Variants in SV2C observed in about 807,000 individuals in gnomAD.
SV2C encodes the protein solute carrier family 22 member B3.
SV2C carries 49 observed loss-of-function variants against 79.7 expected under a neutral mutation model. The observed-to-expected ratio is 0.61, with a 90% CI of 0.49 to 0.78. The LOEUF (loss-of-function observed/expected upper bound fraction) is 0.78. SV2C is among the 30% of genes least tolerant of loss of function. The pLI is 0.00. For synonymous variants in SV2C, 334 were observed against 333.2 expected, an observed-to-expected ratio of 1.00 and a Z score of -0.03; for missense variants, 833 against 912.9, an observed-to-expected ratio of 0.91 and a Z score of 1.13.
the SV2C span, among the ~76,000 whole-genome samples, chr5:75,852,866 A>C: frequency 0.01 from 1,589 of 151,638 alleles, 25 homozygotes; most frequent in African/African-American, 0.035. Flanking sequence ...AAAACTGCCT[A>C]AGGCAGGTTT....
intron 2 of SV2C, among the ~76,000 whole-genome samples, chr5:76,141,823 C>CAAAAAAAAAAAAAAAAAA: frequency 1.4e-5 from 1 of 72,474 alleles, no homozygotes; most frequent in Non-Finnish European, 2.6e-5. Flanking sequence ...AAGTCCATCT[C>CAAAAAAAAAAAAAAAAAA]AAAAAAAAAA....
intron 2 of SV2C, among the ~76,000 whole-genome samples, chr5:76,150,334 C>T (rs190748420): frequency 1.6e-4 from 24 of 152,066 alleles, no homozygotes; most frequent in South Asian, 6.2e-4. Context: ...TGTGCCACCA[C>T]GCCCAGCTAA....
intron 4 of SV2C, among the ~76,000 whole-genome samples, chr5:76,240,898 A>T (rs1010938304): frequency 3.3e-5 from 5 of 152,184 alleles, no homozygotes; most frequent in African/African-American, 9.7e-5. Context: ...ATGCCAGATA[A>T]ATATTTATCA....
the SV2C span, among the ~76,000 whole-genome samples, chr5:75,957,228 C>A: frequency 6.6e-6 from 1 of 151,974 alleles, no homozygotes; most frequent in Non-Finnish European, 1.5e-5. Context: ...AGACCACATT[C>A]TGAGTAGAAT....
the SV2C span, among the ~76,000 whole-genome samples, chr5:76,061,155 A>T: frequency 6.6e-6 from 1 of 151,852 alleles, no homozygotes; most frequent in East Asian, 2.0e-4. Context: ...AAAAAGTTTG[A>T]AATATTATGA....
At chr5:75,877,462 A>G in the SV2C span, among the ~76,000 whole-genome samples, 1 of 152,088 alleles carries the variant, frequency 6.6e-6, no homozygotes, top group Non-Finnish European at 1.5e-5. Flanking sequence ...GAATATGGCA[A>G]TCTTCTCTAA....
the SV2C span, among the ~76,000 whole-genome samples, chr5:76,054,437 A>G: frequency 6.6e-6 from 1 of 152,230 alleles, no homozygotes; most frequent in African/African-American, 2.4e-5. Context: ...TATTGTAAAT[A>G]GTGCTGCAAT....
the SV2C span, among the ~76,000 whole-genome samples, chr5:75,989,046 C>T: frequency 6.6e-6 from 1 of 151,936 alleles, no homozygotes; most frequent in Middle Eastern, 3.2e-3. Flanking sequence ...AAATATACTA[C>T]ATAAGTGGAG....
At chr5:76,300,150 A>AT (rs1187862394) in intron 10 of SV2C, among the ~76,000 whole-genome samples, 9 of 93,842 alleles carry the variant, frequency 9.6e-5, no homozygotes, top group African/African-American at 3.7e-4. Context: ...GCGGCCTCAA[A>AT]TAAAAAATTA....
chr5:76,021,332 A>G, the SV2C span, among the ~76,000 whole-genome samples: 1 of 152,236 alleles, frequency 6.6e-6, no homozygotes, highest in Non-Finnish European at 1.5e-5. Context: ...TGTGCATTAT[A>G]TAAATTTAAA....
chr5:76,057,769 T>A, the SV2C span, among the ~76,000 whole-genome samples: 1 of 152,130 alleles, frequency 6.6e-6, no homozygotes, highest in Non-Finnish European at 1.5e-5. Flanking sequence ...CAATTATTAT[T>A]ATCATAATTA....
chr5:75,968,515 A>C, the SV2C span, among the ~76,000 whole-genome samples: 7 of 152,244 alleles, frequency 4.6e-5, no homozygotes, highest in African/African-American at 1.7e-4. Flanking sequence ...CAGCAAGAGA[A>C]CTACATGACG....
chr5:75,949,868 A>G, the SV2C span, among the ~76,000 whole-genome samples: 2 of 152,044 alleles, frequency 1.3e-5, no homozygotes, highest in African/African-American at 4.8e-5. Flanking sequence ...TGGAGGTGTT[A>G]AAGAGGTGAC....
chr5:76,193,398 A>T (rs771067789), intron 2 of SV2C, among the ~76,000 whole-genome samples: 72 of 152,286 alleles, frequency 4.7e-4, no homozygotes, highest in Non-Finnish European at 9.3e-4. Flanking sequence ...AAGATCTCAG[A>T]TGCATTTTCT....
the SV2C span, among the ~76,000 whole-genome samples, chr5:76,005,014 T>C: frequency 3.3e-5 from 5 of 152,188 alleles, no homozygotes; most frequent in Non-Finnish European, 4.4e-5. Flanking sequence ...TTCTTCCACT[T>C]TCCTTATAGT....
At chr5:75,967,419 T>C in the SV2C span, among the ~76,000 whole-genome samples, 3 of 152,148 alleles carry the variant, frequency 2.0e-5, no homozygotes, top group African/African-American at 7.2e-5. Flanking sequence ...TTCCCTTTCC[T>C]ACTCAAAGAA....
chr5:76,053,501 A>G, the SV2C span, among the ~76,000 whole-genome samples: 1 of 152,224 alleles, frequency 6.6e-6, no homozygotes, highest in Non-Finnish European at 1.5e-5. Flanking sequence ...AAGCTATACT[A>G]GTCAAAGACC....
intron 2 of SV2C, among the ~76,000 whole-genome samples, chr5:76,133,717 G>A (rs189298800): frequency 1.3e-5 from 2 of 152,298 alleles, no homozygotes; most frequent in East Asian, 3.9e-4. Flanking sequence ...CTTCAGAGGA[G>A]GGTCCTTGGT....
chr5:76,311,303 T>A (rs1748432141), intron 12 of SV2C: 1 of 152,340 alleles, frequency 6.6e-6, no homozygotes, highest in Admixed American at 6.5e-5. Context: ...ATGATTGAGA[T>A]GCAGTGGTCG....
Sources: allele counts gnomAD v4.1 joint callset (sites outside exome capture counted in the v4.1 genomes callset), GRCh38; gene constraint gnomAD v4.1.1; transcripts MANE v1.5; gene names NCBI Gene and HGNC (gene_info 2026-07-23, HGNC 2026-07-21).